GRIK1: variants seen among roughly 807,000 people sequenced by gnomAD.
The protein encoded by GRIK1 is glutamate ionotropic receptor kainate type subunit 1, also known as glutamate receptor ionotropic, kainate 1.
Under a neutral mutation model 105.7 loss-of-function variants are expected in GRIK1, and 69 were observed. That is an observed-to-expected ratio of 0.65 (90% CI 0.54 to 0.80). GRIK1 has a LOEUF of 0.80. GRIK1 is among the 30% of genes least tolerant of loss of function. GRIK1 has a pLI of 0.00. For synonymous variants in GRIK1, 438 were observed against 431.3 expected, an observed-to-expected ratio of 1.02 and a Z score of -0.19; for missense variants, 1,109 against 1,167.3, an observed-to-expected ratio of 0.95 and a Z score of 0.73.
In GRIK1 at chr21:29,591,130, G is replaced by A; in HGVS notation, c.1347C>T (p.Leu449=). 1 of 1,585,872 alleles carries A rather than the reference G, an allele frequency of 6.3e-7. No homozygotes were observed. The highest frequency in any genetic ancestry group is 1.1e-5 in the South Asian group (1 of 90,536). Residue 449 remains leucine, a synonymous_variant, in exon 10 of 18, where the codon CTC becomes CTT. Coordinates refer to ENST00000327783, the MANE Select transcript of GRIK1 (RefSeq NM_001330994.2). The stretch of plus-strand genomic sequence containing the variant: ...AACTTACCAGAATGGTGGTGACAAT[G>A]AGTGTTCTGTTGGCCAATGAATCAG... ...NITDSLANRT[L]IVTTILEEPY...
intron 13 of GRIK1, among the ~76,000 whole-genome samples, chr21:29,580,993 T>C (rs1227408749): frequency 6.6e-6 from 1 of 151,884 alleles, no homozygotes; most frequent in African/African-American, 2.4e-5. Context: ...TTTGCCAGAG[T>C]AGTAATTAGG....
intron 13 of GRIK1, among the ~76,000 whole-genome samples, chr21:29,580,941 T>C (rs1235782296): frequency 6.6e-6 from 1 of 152,070 alleles, no homozygotes; most frequent in Non-Finnish European, 1.5e-5. Flanking sequence ...TTGAGGGAGA[T>C]TGTGAAAAGT....
chr21:29,674,363 A>T (rs1336043535), intron 3 of GRIK1, among the ~76,000 whole-genome samples: 1 of 151,020 alleles, frequency 6.6e-6, no homozygotes, highest in Non-Finnish European at 1.5e-5. Context: ...TTTGATTCTG[A>T]TGTACAATAA....
chr21:29,667,126 G>T (rs1244436102), intron 4 of GRIK1, among the ~76,000 whole-genome samples: 2 of 152,154 alleles, frequency 1.3e-5, no homozygotes, highest in African/African-American at 2.4e-5. Flanking sequence ...TTGACTTATA[G>T]ATCTGACTTA....
chr21:29,914,368 A>G (rs1244622464), intron 1 of GRIK1, among the ~76,000 whole-genome samples: 3 of 152,054 alleles, frequency 2.0e-5, no homozygotes. Flanking sequence ...GGGACTTCCG[A>G]GAAAGCTCCC....
At chr21:29,860,354 C>G (rs914497493) in intron 1 of GRIK1, among the ~76,000 whole-genome samples, 1 of 152,172 alleles carries the variant, frequency 6.6e-6, no homozygotes, top group Admixed American at 6.5e-5. Flanking sequence ...TCTTTTGGCT[C>G]AAGACAAGGG....
At chr21:29,780,041 T>C (rs1448001244) in intron 1 of GRIK1, among the ~76,000 whole-genome samples, 2 of 152,248 alleles carry the variant, frequency 1.3e-5, no homozygotes, top group South Asian at 2.1e-4. Flanking sequence ...CTAACTTCTA[T>C]GACCTTAAAT....
At chr21:29,687,489 T>A (rs2063506768) in intron 3 of GRIK1, among the ~76,000 whole-genome samples, 1 of 152,214 alleles carries the variant, frequency 6.6e-6, no homozygotes, top group African/African-American at 2.4e-5. Context: ...GCTCAATTGA[T>A]TATTCATTTA....
At chr21:29,618,307 C>T (rs946701371) in intron 7 of GRIK1, among the ~76,000 whole-genome samples, 3 of 152,020 alleles carry the variant, frequency 2.0e-5, no homozygotes, top group Admixed American at 6.6e-5. Context: ...AACCACAATG[C>T]GATACCACCT....
chr21:29,760,661 A>T (rs1272040369), intron 1 of GRIK1, among the ~76,000 whole-genome samples: 1 of 152,208 alleles, frequency 6.6e-6, no homozygotes, highest in African/African-American at 2.4e-5. Flanking sequence ...CTACAATAAA[A>T]CAGTACCGAA....
chr21:29,797,143 G>T (rs2066581558), intron 1 of GRIK1, among the ~76,000 whole-genome samples: 1 of 152,152 alleles, frequency 6.6e-6, no homozygotes, highest in South Asian at 2.1e-4. Flanking sequence ...GCAAAAAAAA[G>T]AGGAATGAAG....
chr21:29,795,784 C>T lies in GRIK1; in HGVS notation c.119-101721G>A, dbSNP rs1051398528. Among the ~76,000 whole-genome samples, 3 of 152,232 alleles carry T rather than the reference C, an allele frequency of 2.0e-5. No homozygotes were observed. The South Asian group carries it at 6.2e-4, about 32-fold the overall frequency. ...CATTTTCTAATAATTTAATGTATTTCCTCTTTTTTACTTGCTAGCAAGAGA... is the reference window on the plus strand; with the variant it reads ...CATTTTCTAATAATTTAATGTATTTTCTCTTTTTTACTTGCTAGCAAGAGA... On this transcript the variant is annotated intron_variant, in intron 1 of 17. Coordinates refer to ENST00000327783, the MANE Select transcript of GRIK1 (RefSeq NM_001330994.2).
chr21:29,926,528 C>G (rs1452301387), intron 1 of GRIK1, among the ~76,000 whole-genome samples: 1 of 152,054 alleles, frequency 6.6e-6, no homozygotes, highest in Non-Finnish European at 1.5e-5. Context: ...CTTCTGGGGC[C>G]TTAGTATTCT....
intron 1 of GRIK1, among the ~76,000 whole-genome samples, chr21:29,757,839 T>C (rs2065390814): frequency 6.6e-6 from 1 of 152,248 alleles, no homozygotes; most frequent in African/African-American, 2.4e-5. Flanking sequence ...CCTTCCTCAG[T>C]TGTAATCTTA....
intron 1 of GRIK1, among the ~76,000 whole-genome samples, chr21:29,705,238 C>T (rs2063881909): frequency 6.6e-6 from 1 of 152,196 alleles, no homozygotes; most frequent in African/African-American, 2.4e-5. Context: ...TCACAGCTCC[C>T]ACAGAGCAGT....
intron 1 of GRIK1, among the ~76,000 whole-genome samples, chr21:29,875,102 C>T (rs996467757): frequency 6.6e-6 from 1 of 151,062 alleles, no homozygotes; most frequent in Admixed American, 6.6e-5. Flanking sequence ...ATTAGACTTG[C>T]AAAGACTAGA....
intron 1 of GRIK1, among the ~76,000 whole-genome samples, chr21:29,828,393 T>G (rs2067534485): frequency 6.6e-6 from 1 of 152,132 alleles, no homozygotes; most frequent in African/African-American, 2.4e-5. Flanking sequence ...TAAATGAAAT[T>G]TAATATTATA....
intron 1 of GRIK1, among the ~76,000 whole-genome samples, chr21:29,847,894 C>T (rs989977949): frequency 6.7e-6 from 1 of 149,094 alleles, no homozygotes; most frequent in African/African-American, 2.4e-5. Context: ...ACTATTGTTT[C>T]TCTCTTTCTC....
rs150807113 is a variant in GRIK1, at chr21:29,625,172, C to T, written c.1098+17654G>A. Among the ~76,000 whole-genome samples the T allele has an allele frequency of 2.3e-4, 35 of 152,282 alleles. No individual in the cohort carries two copies. The East Asian group carries it at 5.4e-3, about 23-fold the overall frequency. On this transcript the variant is annotated intron_variant, in intron 7 of 17. Transcript: ENST00000327783. ...AAAGCACATCGTAATATATACCTCA[C>T]GCCATTGGTTATATTGAATTATACA...
Sources: gnomAD v4.1 joint callset for allele counts (sites outside exome capture counted in the v4.1 genomes callset) on GRCh38, gnomAD v4.1.1 for gene constraint, MANE v1.5 for transcripts, NCBI Gene and HGNC (gene_info 2026-07-23, HGNC 2026-07-21) for gene names.